Variants in MANBA observed in about 807,000 individuals in gnomAD.
The protein encoded by MANBA is beta-mannosidase.
In MANBA, 83 loss-of-function variants were observed where a neutral mutation model predicts 111.1. The ratio of observed to expected loss-of-function variants is 0.75; its 90% CI spans 0.63 to 0.90. The LOEUF is 0.90. Ranked by LOEUF, MANBA falls within the 40% of genes least tolerant of loss-of-function variation. The pLI, the probability that MANBA is intolerant of heterozygous loss-of-function variation, is 0.00. For missense variants in MANBA, 1,036 were observed against 1,069.0 expected (o/e 0.97, Z 0.43); for synonymous variants, 370 against 378.7 (o/e 0.98, Z 0.27).
Position 102,636,028 on chromosome 4 carries a change from C to G in MANBA, c.2015-21G>C, listed in dbSNP as rs190715720. 55 of 1,609,570 alleles carry G rather than the reference C, an allele frequency of 3.4e-5. No individual in the cohort carries two copies. In the African/African-American group the frequency reaches 5.9e-4, roughly 17 times the overall value. On this transcript the variant is annotated intron_variant, in intron 14 of 16. Coordinates refer to ENST00000647097, the MANE Select transcript of MANBA (RefSeq NM_005908.4). ...GTACTCTGAAAATAATCAAGAGTGT[C>G]AGGAGACGGCAAGGTCAAGTAGTCA...
chr4:102,743,956 A>ACTGATACCT (rs1723501815), intron 1 of MANBA, among the ~76,000 whole-genome samples: 1 of 152,218 alleles, frequency 6.6e-6, no homozygotes, highest in African/African-American at 2.4e-5. Flanking sequence ...TCTATCTGCC[A>ACTGATACCT]CTGATACCTC....
chr4:102,632,861 C>T (rs955738014), intron 16 of MANBA, among the ~76,000 whole-genome samples: 7 of 152,200 alleles, frequency 4.6e-5, no homozygotes, highest in Admixed American at 2.6e-4. Flanking sequence ...CAATTTAAAT[C>T]GTGTTGGCTC....
intron 13 of MANBA, among the ~76,000 whole-genome samples, chr4:102,645,256 A>G (rs1730052836): frequency 6.6e-6 from 1 of 152,032 alleles, no homozygotes; most frequent in African/African-American, 2.4e-5. Flanking sequence ...CTGGATTTGG[A>G]TTGATACCAT....
At chr4:102,643,116 T>A (rs1351498751) in intron 13 of MANBA, among the ~76,000 whole-genome samples, 1 of 152,078 alleles carries the variant, frequency 6.6e-6, no homozygotes, top group African/African-American at 2.4e-5. Flanking sequence ...TCACTCCCCA[T>A]CCTCCCCTCT....
chr4:102,728,053 G>A, intron 1 of MANBA: 1 of 513,228 alleles, frequency 1.9e-6, no homozygotes, highest in Non-Finnish European at 3.9e-6. Context: ...CTTTTGCAGG[G>A]GTGGAGATAG....
chr4:102,663,054 G>C (rs1467044043), intron 11 of MANBA: 1 of 152,324 alleles, frequency 6.6e-6, no homozygotes, highest in Non-Finnish European at 1.5e-5. Context: ...TCTAGAACCT[G>C]TTCCCTATGA....
intron 16 of MANBA, chr4:102,633,443 G>T: frequency 2.5e-6 from 1 of 398,592 alleles, no homozygotes; most frequent in South Asian, 1.3e-4. Context: ...CTGTATGTCT[G>T]ACTGCAGAGC....
intron 5 of MANBA, among the ~76,000 whole-genome samples, chr4:102,695,281 A>G (rs1487633613): frequency 1.3e-5 from 2 of 152,176 alleles, no homozygotes; most frequent in Non-Finnish European, 2.9e-5. Context: ...AAAAAAAAGA[A>G]AAAAAGCTTT....
chr4:102,642,831 A>G (rs1039047212), intron 13 of MANBA, among the ~76,000 whole-genome samples: 8 of 152,160 alleles, frequency 5.3e-5, no homozygotes, highest in African/African-American at 1.7e-4. Context: ...TACATTTTCC[A>G]GAAACACACC....
At chr4:102,681,498 G>C (rs1731975706) in intron 7 of MANBA, 1 of 152,002 alleles carries the variant, frequency 6.6e-6, no homozygotes, top group South Asian at 2.1e-4. Flanking sequence ...ATTAAAATTA[G>C]TAGAATATAC....
At position 102,714,554 on chromosome 4, in the gene MANBA, C is replaced by T. The variant is rs1560792252; in HGVS notation, c.557G>A (p.Cys186Tyr). The change falls in exon 5 of 17, where the codon TGT becomes TAT. Residue 186 changes from cysteine to tyrosine, a missense_variant. Transcript: ENST00000647097. ...CHVNFVRKEQCSFSWDWGPSF... is the reference protein window; with the variant it reads ...CHVNFVRKEQYSFSWDWGPSF... Reference sequence around the variant, plus strand: ...AGGCCCCCAGTCCCAACTAAAGGAACATTGCTCCTGCAATTTCAAGGAGAA... The same window carrying T: ...AGGCCCCCAGTCCCAACTAAAGGAATATTGCTCCTGCAATTTCAAGGAGAA... 1.2e-6 allele frequency: 2 copies of T among 1,608,248 alleles called. No individual in the cohort carries two copies. Among genetic ancestry groups the T allele is most frequent in the African/African-American group, 1.3e-5 (1 of 74,896 alleles).
chr4:102,727,517 T>G, intron 1 of MANBA: 2 of 1,558,732 alleles, frequency 1.3e-6, no homozygotes, highest in Non-Finnish European at 1.8e-6. Flanking sequence ...TTATTGGGGA[T>G]GAGGGGCCGT....
intron 10 of MANBA, chr4:102,666,026 A>G (rs993736333): frequency 2.0e-5 from 3 of 152,210 alleles, no homozygotes; most frequent in African/African-American, 4.8e-5. Flanking sequence ...GTCTTTGTAC[A>G]TGCCCAAGAA....
At position 102,657,888 on chromosome 4, in the gene MANBA, G is replaced by A. The variant is rs763576266; in HGVS notation, c.1498C>T (p.Arg500Cys). The stretch of plus-strand genomic sequence containing the variant: ...GTAGGACTGGACGTAATAAAAGGAC[G>A]ACTCTTGTCTCCCTGAGTTCAGAAA... ...RELVLAGDKS[R>C]PFITSSPTNG... The change falls in exon 12 of 17, where the codon CGT (arginine) becomes TGT (cysteine). Residue 500 changes from arginine to cysteine, a missense_variant. Physicochemically the swap from Arg to Cys is radical, Grantham distance 180. Coordinates refer to ENST00000647097, the MANE Select transcript of MANBA (RefSeq NM_005908.4). The A allele has an allele frequency of 2.3e-5, 37 of 1,606,994 alleles. No homozygotes were observed. The highest frequency in any genetic ancestry group is 4.4e-5 in the South Asian group (4 of 90,940).
intron 1 of MANBA, among the ~76,000 whole-genome samples, chr4:102,731,986 C>A (rs1025958428): frequency 2.0e-5 from 3 of 152,022 alleles, no homozygotes; most frequent in South Asian, 2.1e-4. Context: ...CAGCTCACTG[C>A]AACTTCAGCC....
chr4:102,724,970 G>A (rs759524685), intron 2 of MANBA, among the ~76,000 whole-genome samples: 11 of 152,114 alleles, frequency 7.2e-5, no homozygotes, highest in Non-Finnish European at 1.2e-4. Context: ...TGAAAGAGGC[G>A]GTCACAAAGG....
chr4:102,716,757 A>G (rs934303817), intron 4 of MANBA, among the ~76,000 whole-genome samples: 2 of 152,196 alleles, frequency 1.3e-5, no homozygotes, highest in African/African-American at 4.8e-5. Flanking sequence ...TGGGGGGAAA[A>G]AAAGTAACAA....
chr4:102,696,812 G>T (rs1732731093), intron 5 of MANBA, among the ~76,000 whole-genome samples: 1 of 152,152 alleles, frequency 6.6e-6, no homozygotes, highest in South Asian at 2.1e-4. Context: ...GTAGTTATGT[G>T]CATTTAAAGA....
intron 14 of MANBA, among the ~76,000 whole-genome samples, chr4:102,637,357 T>A (rs6810869): frequency 0.55 from 83,510 of 151,892 alleles, 23,382 homozygotes; most frequent in African/African-American, 0.63. Flanking sequence ...CCAAGGCAGG[T>A]CTCTAATCCG....
Sources: allele counts gnomAD v4.1 joint callset (sites outside exome capture counted in the v4.1 genomes callset), GRCh38; gene constraint gnomAD v4.1.1; transcripts MANE v1.5; gene names NCBI Gene and HGNC (gene_info 2026-07-23, HGNC 2026-07-21).